ADAMTSL2: variants seen among roughly 807,000 people sequenced by gnomAD.
ADAMTSL2 encodes the protein ADAMTS-like protein 2.
In ADAMTSL2, 55 loss-of-function variants were observed where a neutral mutation model predicts 117.0. That is an observed-to-expected ratio of 0.47 (90% confidence interval 0.38 to 0.59). The LOEUF (loss-of-function observed/expected upper bound fraction) is 0.59. ADAMTSL2 is among the 20% of genes least tolerant of loss of function. The probability of loss-of-function intolerance (pLI) is 0.00; values close to 1 mark genes in which losing one functional copy is unlikely to be tolerated. For synonymous variants in ADAMTSL2, 572 were observed against 566.4 expected, an observed-to-expected ratio of 1.01 and a Z score of -0.14; for missense variants, 1,182 against 1,354.5, an observed-to-expected ratio of 0.87 and a Z score of 2.00.
In ADAMTSL2 at chr9:133,554,652, GC is replaced by G; in HGVS notation, c.1236del (p.Ala414ProfsTer56). The G allele has an allele frequency of 6.6e-7, 1 of 1,525,300 alleles. No homozygotes were observed. Among genetic ancestry groups the G allele is most frequent in the South Asian group, 1.2e-5 (1 of 82,832 alleles). 94.5% of individuals were successfully genotyped at this position (1,525,300 alleles called of 1,614,324 possible). On this transcript the variant is annotated frameshift_variant, in exon 10 of 19. Transcript: ENST00000651351. LOFTEE classifies it high-confidence loss of function. This position sits in a 1 kb window ranked among gnomAD's most constrained non-coding sequence, Gnocchi z 5.2. ...AACGAGGTGTGCGAGCAGGCCGGCG[GC>G]GGGGCCTGCGAGGGGCCCCCCAGGG... ...ETNEVCEQAG[G>X]GACEGPPRGK...
In ADAMTSL2 at chr9:133,554,790, G is replaced by C. The variant is rs796466121; in HGVS notation, c.1276+97G>C. ...GTCTCAGACCCTTTGCAGACCTGCA[G>C]AGGAGGTTCCTAAGAGCTGCCAGCT... On this transcript the variant is annotated intron_variant, in intron 10 of 18. Coordinates refer to ENST00000651351, the MANE Select transcript of ADAMTSL2 (RefSeq NM_014694.4). This position sits in a 1 kb window ranked among gnomAD's most constrained non-coding sequence, Gnocchi z 5.2. 1.0e-4 allele frequency: 120 copies of C among 1,159,478 alleles called. 1 individual carries two copies. The African/African-American group carries it at 1.7e-3, about 16-fold the overall frequency. The allele number at this position is 1,159,478 out of a possible 1,614,324, so 71.8% of individuals were successfully genotyped here.
chr9:133,564,605 A>G (rs1588305284), intron 12 of ADAMTSL2, among the ~76,000 whole-genome samples: 1 of 42,830 alleles, frequency 2.3e-5, no homozygotes. Flanking sequence ...GGGGAGAGAG[A>G]GGGAGAGAGA....
At chr9:133,573,353 G>A (rs375474171) in intron 17 of ADAMTSL2, among the ~76,000 whole-genome samples, 2 of 152,318 alleles carry the variant, frequency 1.3e-5, no homozygotes, top group Non-Finnish European at 1.5e-5. Context: ...GTGACTTCGC[G>A]AGATGCATTT....
intron 12 of ADAMTSL2, among the ~76,000 whole-genome samples, chr9:133,564,501 G>GGAGAGAGA (rs1418075803): frequency 3.8e-5 from 1 of 26,338 alleles, no homozygotes; most frequent in Non-Finnish European, 7.3e-5. Flanking sequence ...AGACAGAGAG[G>GGAGAGAGA]GAGAGAGAGA....
At chr9:133,544,812 G>A (rs1295317120) in intron 8 of ADAMTSL2, among the ~76,000 whole-genome samples, 1 of 152,184 alleles carries the variant, frequency 6.6e-6, no homozygotes, top group South Asian at 2.1e-4. Flanking sequence ...GTGATGTTGG[G>A]TGGTGAGCTC....
upstream of ADAMTSL2, chr9:133,534,693 G>A: frequency 1.5e-6 from 2 of 1,353,560 alleles, no homozygotes; most frequent in Non-Finnish European, 1.9e-6. Flanking sequence ...GGCCGCCGGC[G>A]CAGAGCCGCC....
At chr9:133,539,420 G>A (rs921234128) in intron 4 of ADAMTSL2, among the ~76,000 whole-genome samples, 1 of 152,228 alleles carries the variant, frequency 6.6e-6, no homozygotes, top group Admixed American at 6.5e-5. Flanking sequence ...CACAGTCAGG[G>A]CCTGCTGAGG....
intron 17 of ADAMTSL2, among the ~76,000 whole-genome samples, chr9:133,572,061 C>T (rs918209213): frequency 1.3e-5 from 2 of 152,166 alleles, no homozygotes; most frequent in Non-Finnish European, 2.9e-5. Flanking sequence ...GAGGAGCGAG[C>T]TGGGGACCCC....
intron 15 of ADAMTSL2, 78 bp downstream of exon 15, chr9:133,568,836 T>C (rs1831038621): frequency 1.3e-6 from 2 of 1,586,838 alleles, no homozygotes; most frequent in Non-Finnish European, 1.7e-6. Flanking sequence ...TGCCTCAGTT[T>C]CCATTTTTTT....
At chr9:133,562,781 C>A (rs1266302973) in intron 12 of ADAMTSL2, among the ~76,000 whole-genome samples, 2 of 106,694 alleles carry the variant, frequency 1.9e-5, no homozygotes, top group Non-Finnish European at 3.8e-5. Context: ...CCGCTGTGGG[C>A]GGCGTGGTGG....
In ADAMTSL2 at chr9:133,564,077, GGAGA is replaced by G. The variant is rs1240257829; in HGVS notation, c.1747+2794_1747+2797del. On this transcript the variant is annotated intron_variant, in intron 12 of 18. Transcript: ENST00000651351. ...AAGGGGGAGAGAGACAGAGAGAAAG[GGAGA>G]GAGAGAGAGAGGGAGAGAGAGAGAG... Among the ~76,000 whole-genome samples the G allele has an allele frequency of 1.5e-3, 36 of 23,872 alleles. 3 individuals carry two copies. The highest frequency in any genetic ancestry group is 2.9e-3 in the Non-Finnish European group (33 of 11,578). The allele number at this position is 23,872 out of a possible 152,430, so 15.7% of individuals were successfully genotyped here.
chr9:133,562,110 C>T (rs1037520914), intron 12 of ADAMTSL2, among the ~76,000 whole-genome samples: 50 of 152,354 alleles, frequency 3.3e-4, no homozygotes, highest in Admixed American at 8.5e-4. Flanking sequence ...CTCCTGGTCC[C>T]GCCCCAGTGC....
At position 133,561,210 on chromosome 9, in the gene ADAMTSL2, G is replaced by C. The variant is rs1366287035; in HGVS notation, c.1662G>C (p.Lys554Asn). 3 of 1,606,920 alleles carry C rather than the reference G, an allele frequency of 1.9e-6. No individual in the cohort carries two copies. In the African/African-American group the frequency reaches 4.0e-5, roughly 21 times the overall value. The change falls in exon 12 of 19, where the codon AAG (lysine) becomes AAC (asparagine). Residue 554 changes from lysine to asparagine, a missense_variant. Lys to Asn is a moderately conservative substitution (Grantham distance 94, BLOSUM62 0). Around this residue, in one of 3 missense-constraint regions of ADAMTSL2, gnomAD observed 345 missense variants for 325.8 expected, o/e 1.06. Coordinates refer to ENST00000651351, the MANE Select transcript of ADAMTSL2 (RefSeq NM_014694.4). ...GTCTCGCTTTCAGGACCAGGCCCAA[G>C]GCGCGCAAGCAAGGCGTGAGTCCCG... ...NRTHKARTRP[K>N]ARKQGVSPAD... is the part of the protein sequence containing the mutation.
At chr9:133,570,295 C>T in intron 16 of ADAMTSL2, 36 bp from the exon 17 acceptor site, 1 of 1,536,152 alleles carries the variant, frequency 6.5e-7, no homozygotes, top group African/African-American at 1.4e-5. Context: ...CCTGCTGGGC[C>T]CTGGCGCTGA....
At chr9:133,566,871 A>C (rs1830985606) in intron 12 of ADAMTSL2, 65 bp from the exon 13 acceptor site, 16 of 1,564,634 alleles carry the variant, frequency 1.0e-5, no homozygotes, top group Non-Finnish European at 1.4e-5. Context: ...CCAAGTCCTG[A>C]GGCCTGTCTG....
chr9:133,535,788 C>G (rs1830036674), intron 1 of ADAMTSL2, among the ~76,000 whole-genome samples: 1 of 152,152 alleles, frequency 6.6e-6, no homozygotes, highest in Non-Finnish European at 1.5e-5. Flanking sequence ...CTGAGCAAGG[C>G]CTGGACAGAG....
chr9:133,549,939 A>G, intron 9 of ADAMTSL2, among the ~76,000 whole-genome samples: 1 of 152,176 alleles, frequency 6.6e-6, no homozygotes, highest in East Asian at 1.9e-4. Context: ...CGCTACTGCT[A>G]CTGCCCCTCC....
At chr9:133,553,796 C>T (rs964883593) in intron 9 of ADAMTSL2, among the ~76,000 whole-genome samples, 3 of 152,194 alleles carry the variant, frequency 2.0e-5, no homozygotes, top group African/African-American at 4.8e-5. Flanking sequence ...AGGGAGAAGC[C>T]GGGCTGCCCC....
At position 133,558,548 on chromosome 9, in the gene ADAMTSL2, C is replaced by T. The variant is rs980246200; in HGVS notation, c.1649+2618C>T. Among the ~76,000 whole-genome samples, 1 of 152,194 alleles carries T rather than the reference C, an allele frequency of 6.6e-6. No homozygotes were observed. The highest frequency in any genetic ancestry group is 1.5e-5 in the Non-Finnish European group (1 of 68,036). Reference sequence around the variant, plus strand: ...CCGCAGCCTTGGGGGGAGAGAAGAACAGAGCACTTTCTGGCTTGTTTATAA... The same window carrying T: ...CCGCAGCCTTGGGGGGAGAGAAGAATAGAGCACTTTCTGGCTTGTTTATAA... On this transcript the variant is annotated intron_variant, in intron 11 of 18. Transcript: ENST00000651351. This position sits in a 1 kb window ranked among gnomAD's most constrained non-coding sequence, Gnocchi z 4.3.
Sources: gnomAD v4.1 joint callset for allele counts (sites outside exome capture counted in the v4.1 genomes callset) on GRCh38, gnomAD v4.1.1 for gene constraint, gnomAD v4.1.1 regional missense constraint, Gnocchi (gnomAD v3.1) non-coding constraint, MANE v1.5 for transcripts, NCBI Gene and HGNC (gene_info 2026-07-23, HGNC 2026-07-21) for gene names.